The following SPATA9 variants were observed in gnomAD, a reference collection of about 807,000 sequenced individuals.
The protein encoded by SPATA9 is spermatogenesis-associated protein 9.
SPATA9 carries 27 observed loss-of-function variants against 25.5 expected under a neutral mutation model. The ratio of observed to expected loss-of-function variants is 1.06; its 90% CI spans 0.78 to 1.46. SPATA9 has a LOEUF of 1.46. Ranked by LOEUF, SPATA9 falls within the 40% of genes most tolerant of loss-of-function variation. The probability of loss-of-function intolerance (pLI) is 0.00; values close to 1 mark genes in which losing one functional copy is unlikely to be tolerated. For missense variants in SPATA9, 282 were observed against 297.5 expected (o/e 0.95, Z 0.38); for synonymous variants, 102 against 105.7 (o/e 0.97, Z 0.21).
the SPATA9 span, chr5:95,731,824 C>T: frequency 2.5e-6 from 4 of 1,602,912 alleles, no homozygotes; most frequent in African/African-American, 4.0e-5. Flanking sequence ...GCTGACCGTG[C>T]TTCCCTTCTC....
the SPATA9 span, among the ~76,000 whole-genome samples, chr5:95,729,531 C>T: frequency 3.2e-3 from 487 of 152,248 alleles, 5 homozygotes; most frequent in Non-Finnish European, 4.1e-3. Flanking sequence ...GTTCAGTACA[C>T]GCTCTAGTGT....
At chr5:95,661,685 CA>C in intron 4 of SPATA9, among the ~76,000 whole-genome samples, 1 of 151,966 alleles carries the variant, frequency 6.6e-6, no homozygotes, top group Non-Finnish European at 1.5e-5. Flanking sequence ...AAAACAGTGG[CA>C]AAATAGTTGA....
intron 2 of SPATA9, among the ~76,000 whole-genome samples, chr5:95,679,009 AATTAGTT>A (rs1446060566): frequency 5.9e-5 from 9 of 152,214 alleles, no homozygotes; most frequent in Admixed American, 2.0e-4. Flanking sequence ...AAATTACTTC[AATTAGTT>A]GGAAATAGGA....
At chr5:95,696,630 A>G (rs1009731136) in intron 1 of SPATA9, among the ~76,000 whole-genome samples, 1 of 152,208 alleles carries the variant, frequency 6.6e-6, no homozygotes, top group Non-Finnish European at 1.5e-5. Flanking sequence ...TAATCCCAGC[A>G]CTTTGGGAGC....
At chr5:95,687,972 T>C (rs539778914), upstream of SPATA9, among the ~76,000 whole-genome samples, 3 of 152,298 alleles carry the variant, frequency 2.0e-5, no homozygotes, top group East Asian at 1.9e-4. Context: ...TTGGTGGTAA[T>C]GTAAATTAGT....
intron 3 of SPATA9, 36 bp from the exon 4 acceptor site, chr5:95,664,084 C>T: frequency 1.6e-6 from 2 of 1,278,526 alleles, no homozygotes. Context: ...AATAAACAAA[C>T]ATTTTCAGTG....
chr5:95,671,005 C>A lies in SPATA9; in HGVS notation c.378+4407G>T, dbSNP rs576736721. 3.1e-5 allele frequency: 18 copies of A among 575,916 alleles called. No individual in the cohort carries two copies. In the African/African-American group the frequency reaches 3.4e-4, roughly 11 times the overall value. 35.7% of individuals were successfully genotyped at this position (575,916 alleles called of 1,614,324 possible). A position where few individuals can be genotyped will look rare whatever the true frequency, so the allele number is the denominator to read the frequency against. ...AAAGCTTCTTCCTAACCCCAGCCCC[C>A]AAGGACCCTGGAACCTCTGACCTGG... On this transcript the variant is annotated intron_variant, in intron 3 of 4. Coordinates refer to ENST00000274432, the MANE Select transcript of SPATA9 (RefSeq NM_031952.4).
At chr5:95,707,353 G>A in the SPATA9 span, among the ~76,000 whole-genome samples, 7 of 152,146 alleles carry the variant, frequency 4.6e-5, no homozygotes, top group Non-Finnish European at 1.0e-4. Context: ...ACCCGAGCGA[G>A]TTAGAAAAAT....
chr5:95,664,345 T>C (rs1751556506), intron 3 of SPATA9, among the ~76,000 whole-genome samples: 1 of 152,204 alleles, frequency 6.6e-6, no homozygotes, highest in Non-Finnish European at 1.5e-5. Context: ...GCTGTGCATA[T>C]TAGAAAAACA....
chr5:95,690,350 A>AGG (rs1753851237), intron 1 of SPATA9, among the ~76,000 whole-genome samples: 1 of 152,186 alleles, frequency 6.6e-6, no homozygotes, highest in Non-Finnish European at 1.5e-5. Context: ...TGGTATCTAA[A>AGG]TTCTGGGCTT....
At chr5:95,692,101 T>C (rs529363026) in intron 1 of SPATA9, among the ~76,000 whole-genome samples, 13 of 152,282 alleles carry the variant, frequency 8.5e-5, no homozygotes, top group African/African-American at 2.9e-4. Context: ...TTTGCCACTA[T>C]ATTCATAAGT....
At chr5:95,652,444 C>T, downstream of SPATA9, 1 of 1,312,306 alleles carries the variant, frequency 7.6e-7, no homozygotes, top group Non-Finnish European at 1.0e-6. Flanking sequence ...TTGGATGTCT[C>T]TGAGATACCT....
chr5:95,665,268 C>T (rs941859988), intron 3 of SPATA9, among the ~76,000 whole-genome samples: 11 of 152,116 alleles, frequency 7.2e-5, no homozygotes, highest in African/African-American at 2.7e-4. Context: ...TACTGTTAAC[C>T]GTAGTCACCC....
chr5:95,667,426 C>T (rs1751928332), intron 3 of SPATA9, among the ~76,000 whole-genome samples: 1 of 151,976 alleles, frequency 6.6e-6, no homozygotes, highest in Non-Finnish European at 1.5e-5. Context: ...AGTTTCTGCC[C>T]ACTCCCTCCA....
chr5:95,672,027 C>G (rs113136374), intron 3 of SPATA9, among the ~76,000 whole-genome samples: 1 of 151,760 alleles, frequency 6.6e-6, no homozygotes, highest in African/African-American at 2.4e-5. Context: ...ATGCCACGAA[C>G]AAAAAGGGAA....
chr5:95,681,464 CCTT>C (rs200636904), intron 2 of SPATA9, among the ~76,000 whole-genome samples: 1,689 of 152,234 alleles, frequency 0.011, 11 homozygotes, highest in Non-Finnish European at 0.017. Context: ...CTCCATGAAG[CCTT>C]CTTTGACCTT....
chr5:95,683,005 G>C (rs1753592400), upstream of SPATA9: 13 of 1,323,140 alleles, frequency 9.8e-6, no homozygotes, highest in South Asian at 5.7e-5. Flanking sequence ...GGAATTCTTT[G>C]TTACTGTACA....
chr5:95,732,053 T>G, the SPATA9 span: 1 of 1,614,220 alleles, frequency 6.2e-7, no homozygotes, highest in East Asian at 2.2e-5. Flanking sequence ...TTTGGGAATG[T>G]CAAGCTGGTG....
At chr5:95,652,223 ACT>A (rs1561385858), downstream of SPATA9, 4 of 1,524,936 alleles carry the variant, frequency 2.6e-6, no homozygotes, top group Non-Finnish European at 3.5e-6. Context: ...TAGATTGGAC[ACT>A]CTACTGATCT....
Sources: allele counts gnomAD v4.1 joint callset (sites outside exome capture counted in the v4.1 genomes callset), GRCh38; gene constraint gnomAD v4.1.1; transcripts MANE v1.5; gene names NCBI Gene and HGNC (gene_info 2026-07-23, HGNC 2026-07-21).